DAB1: variants seen among roughly 807,000 people sequenced by gnomAD.
DAB1 encodes DAB adaptor protein 1.
DAB1 carries 15 observed loss-of-function variants against 64.6 expected under a neutral mutation model. That is an observed-to-expected ratio of 0.23 (90% CI 0.16 to 0.36). The LOEUF is 0.36. DAB1 is among the 10% of genes least tolerant of loss of function. The pLI, the probability that DAB1 is intolerant of heterozygous loss-of-function variation, is 1.00. For synonymous variants in DAB1, 235 were observed against 251.9 expected, an observed-to-expected ratio of 0.93 and a Z score of 0.64; for missense variants, 596 against 706.7, an observed-to-expected ratio of 0.84 and a Z score of 1.78.
intron 1 of DAB1, among the ~76,000 whole-genome samples, chr1:57,314,770 A>G (rs924748976): frequency 6.7e-6 from 1 of 148,654 alleles, no homozygotes; most frequent in Non-Finnish European, 1.5e-5. Flanking sequence ...AAAACACAAA[A>G]CACACACACA....
At chr1:57,461,246 T>C (rs947177681) in intron 7 of DAB1, among the ~76,000 whole-genome samples, 1 of 152,220 alleles carries the variant, frequency 6.6e-6, no homozygotes, top group Non-Finnish European at 1.5e-5. Flanking sequence ...TCAGCACTTC[T>C]GCACTGGTCT....
At position 58,475,532 on chromosome 1, in the gene DAB1, C is replaced by A. The variant is rs182143510; in HGVS notation, n.257+30528G>T. On this transcript the variant is annotated intron_variant and non_coding_transcript_variant, in intron 3 of 20. Transcript: ENST00000485760. ...AATCAGACTAAAACAAAACGTGCCA[C>A]AAATAAAAGTTTCCTTTCTTCTCAC... Among the ~76,000 whole-genome samples the A allele has an allele frequency of 3.3e-5, 5 of 152,056 alleles. No individual in the cohort carries two copies. The East Asian group carries it at 9.7e-4, about 29-fold the overall frequency.
intron 4 of DAB1, among the ~76,000 whole-genome samples, chr1:58,289,492 TTTTAAAG>T (rs1661766419): frequency 6.6e-6 from 1 of 152,198 alleles, no homozygotes; most frequent in Admixed American, 6.5e-5. Context: ...TAACACATGA[TTTTAAAG>T]TTTGAGGGAA....
At chr1:57,005,636 G>T (rs1646039429) in intron 14 of DAB1, among the ~76,000 whole-genome samples, 1 of 152,196 alleles carries the variant, frequency 6.6e-6, no homozygotes. Flanking sequence ...GGTCAGAAAT[G>T]AAACCATCTG....
chr1:57,284,339 G>A (rs1672142573), intron 2 of DAB1, among the ~76,000 whole-genome samples: 1 of 152,196 alleles, frequency 6.6e-6, no homozygotes, highest in Non-Finnish European at 1.5e-5. Flanking sequence ...CTCCTTCTAA[G>A]GCATTTCTCT....
At position 57,656,329 on chromosome 1, in the gene DAB1, C is replaced by T. The variant is rs375681305; in HGVS notation, n.552-6664G>A. Among the ~76,000 whole-genome samples the T allele has an allele frequency of 3.0e-4, 46 of 151,802 alleles. 2 individuals are homozygous for T. The South Asian group carries it at 9.4e-3, about 31-fold the overall frequency. ...GGAGAGGTCTGAGTACACACACATT[C>T]TATTAGGTTGGTGCAAAAGTAATTG... On this transcript the variant is annotated intron_variant and non_coding_transcript_variant, in intron 6 of 20. Transcript: ENST00000485760.
At chr1:57,589,847 T>C (rs1645422911) in intron 7 of DAB1, among the ~76,000 whole-genome samples, 1 of 152,182 alleles carries the variant, frequency 6.6e-6, no homozygotes, top group South Asian at 2.1e-4. Flanking sequence ...GGGAAAATAA[T>C]GTAAGCTAAC....
chr1:57,706,585 A>G (rs959027941), intron 6 of DAB1, among the ~76,000 whole-genome samples: 3 of 152,046 alleles, frequency 2.0e-5, no homozygotes, highest in Admixed American at 6.5e-5. Flanking sequence ...AAAGTGCTGC[A>G]ATTACAGGTG....
At chr1:57,465,880 G>C (rs1027715390) in intron 7 of DAB1, among the ~76,000 whole-genome samples, 1 of 152,138 alleles carries the variant, frequency 6.6e-6, no homozygotes, top group Non-Finnish European at 1.5e-5. Flanking sequence ...ATCATACTTT[G>C]TATCTTCTAC....
At chr1:58,055,301 C>T (rs2100537448) in intron 5 of DAB1, among the ~76,000 whole-genome samples, 1 of 152,286 alleles carries the variant, frequency 6.6e-6, no homozygotes, top group South Asian at 2.1e-4. Flanking sequence ...CATGCTGTGG[C>T]TTATAGCCTT....
chr1:58,024,325 C>T (rs759112968), intron 5 of DAB1, among the ~76,000 whole-genome samples: 3 of 152,176 alleles, frequency 2.0e-5, no homozygotes, highest in Non-Finnish European at 4.4e-5. Flanking sequence ...CCTGAGTCAT[C>T]TACACTGTGT....
At chr1:58,340,293 C>T (rs2100504223) in intron 4 of DAB1, among the ~76,000 whole-genome samples, 1 of 152,254 alleles carries the variant, frequency 6.6e-6, no homozygotes, top group South Asian at 2.1e-4. Flanking sequence ...AGACATCTGT[C>T]CCCGTTACTA....
intron 7 of DAB1, among the ~76,000 whole-genome samples, chr1:57,569,100 T>C (rs1645160771): frequency 6.7e-6 from 1 of 148,348 alleles, no homozygotes; most frequent in Non-Finnish European, 1.5e-5. Flanking sequence ...CTACTAAAAA[T>C]ACAAAAAATT....
intron 1 of DAB1, among the ~76,000 whole-genome samples, chr1:57,838,466 A>C (rs1005726529): frequency 1.3e-5 from 2 of 152,180 alleles, no homozygotes; most frequent in Admixed American, 6.5e-5. Context: ...ACAGAAAAAA[A>C]AACTGGTGTG....
intron 1 of DAB1, chr1:57,862,775 G>T (rs978314079): frequency 8.5e-5 from 13 of 152,106 alleles, no homozygotes; most frequent in African/African-American, 1.2e-4. Context: ...AAATTAATCA[G>T]ACTAACCAGG....
At chr1:58,484,139 T>C (rs905839850) in intron 3 of DAB1, among the ~76,000 whole-genome samples, 2 of 152,252 alleles carry the variant, frequency 1.3e-5, no homozygotes, top group African/African-American at 4.8e-5. Flanking sequence ...AGTAAGGTGC[T>C]AGGTACACAT....
intron 1 of DAB1, among the ~76,000 whole-genome samples, chr1:57,872,326 A>C (rs2101958468): frequency 6.6e-6 from 1 of 152,250 alleles, no homozygotes; most frequent in Admixed American, 6.5e-5. Context: ...TGCCCTTATA[A>C]AAAGAGGCCA....
chr1:58,406,784 T>C (rs1159596649), intron 3 of DAB1, among the ~76,000 whole-genome samples: 1 of 151,692 alleles, frequency 6.6e-6, no homozygotes. Flanking sequence ...AGAATGTTTC[T>C]TAGTGGCTGA....
chr1:58,512,651 G>A (rs915270502), intron 2 of DAB1, among the ~76,000 whole-genome samples: 3 of 152,158 alleles, frequency 2.0e-5, no homozygotes, highest in Non-Finnish European at 4.4e-5. Flanking sequence ...GTCACAAATG[G>A]ACAAATACGA....
Sources: gnomAD v4.1 joint callset for allele counts (sites outside exome capture counted in the v4.1 genomes callset) on GRCh38, gnomAD v4.1.1 for gene constraint, MANE v1.5 for transcripts, NCBI Gene and HGNC (gene_info 2026-07-23, HGNC 2026-07-21) for gene names.